Variants in GRID2 observed in about 807,000 individuals in gnomAD.
The protein encoded by GRID2 is glutamate ionotropic receptor delta type subunit 2.
GRID2 carries 33 observed loss-of-function variants against 114.8 expected under a neutral mutation model. The observed-to-expected ratio is 0.29, with a 90% CI of 0.22 to 0.38. The LOEUF (loss-of-function observed/expected upper bound fraction) is 0.38, where lower values mean the gene tolerates loss of function less well. Ranked by LOEUF, GRID2 falls within the 10% of genes least tolerant of loss-of-function variation. The pLI is 1.00. For synonymous variants in GRID2, 505 were observed against 449.9 expected (o/e 1.12, Z -1.55); for missense variants, 1,184 against 1,257.7 (o/e 0.94, Z 0.89).
At chr4:93,619,205 A>G (rs994616167) in intron 13 of GRID2, among the ~76,000 whole-genome samples, 88 of 152,346 alleles carry the variant, frequency 5.8e-4, no homozygotes, top group African/African-American at 2.1e-3. Flanking sequence ...AAAACCATAT[A>G]TATTTTAAAG....
intron 2 of GRID2, among the ~76,000 whole-genome samples, chr4:92,680,903 C>T (rs1733618141): frequency 6.6e-6 from 1 of 152,108 alleles, no homozygotes; most frequent in Admixed American, 6.5e-5. Flanking sequence ...AAAGCATGAA[C>T]TCAAATCTGA....
chr4:92,923,660 T>C (rs1242791416), intron 2 of GRID2, among the ~76,000 whole-genome samples: 1 of 152,182 alleles, frequency 6.6e-6, no homozygotes, highest in Non-Finnish European at 1.5e-5. Context: ...GTAGATACAT[T>C]ATACACATAC....
chr4:93,501,232 A>G (rs1036651736), intron 12 of GRID2, among the ~76,000 whole-genome samples: 1 of 152,062 alleles, frequency 6.6e-6, no homozygotes, highest in African/African-American at 2.4e-5. Flanking sequence ...ATTCCAGGAT[A>G]AGAGAGGAAA....
At chr4:93,371,905 A>AC (rs767695127) in intron 8 of GRID2, among the ~76,000 whole-genome samples, 6 of 150,504 alleles carry the variant, frequency 4.0e-5, no homozygotes, top group Non-Finnish European at 7.4e-5. Context: ...CCACCACCAC[A>AC]CCCGGCTAAT....
intron 2 of GRID2, among the ~76,000 whole-genome samples, chr4:93,037,659 G>T (rs1725052026): frequency 6.6e-6 from 1 of 152,050 alleles, no homozygotes; most frequent in Non-Finnish European, 1.5e-5. Context: ...TCTGCATATG[G>T]CTAGCCAGTT....
chr4:93,281,370 A>T (rs984653424), intron 8 of GRID2, among the ~76,000 whole-genome samples: 4 of 152,036 alleles, frequency 2.6e-5, no homozygotes, highest in South Asian at 2.1e-4. Flanking sequence ...GTATCTGAAG[A>T]GGGCAGCAAG....
At chr4:92,722,845 C>A (rs995657254) in intron 2 of GRID2, among the ~76,000 whole-genome samples, 1 of 151,332 alleles carries the variant, frequency 6.6e-6, no homozygotes, top group Non-Finnish European at 1.5e-5. Context: ...ACATAATGAC[C>A]TGTTGATGAT....
In GRID2 at chr4:92,960,033, A is replaced by C. The variant is rs181350220; in HGVS notation, c.245-124962A>C. On this transcript the variant is annotated intron_variant, in intron 2 of 15. Coordinates refer to ENST00000282020, the MANE Select transcript of GRID2 (RefSeq NM_001510.4). Reference sequence around the variant, plus strand: ...AAAAAAAAGGAGAGAAGAGAAAAAAAGGGGTGTATTTGTTTAATTTCTATC... The same window carrying C: ...AAAAAAAAGGAGAGAAGAGAAAAAACGGGGTGTATTTGTTTAATTTCTATC... 1.2e-3 allele frequency among the ~76,000 whole-genome samples: 175 copies of C among 152,122 alleles called. 1 individual carries two copies. The highest frequency in any genetic ancestry group is 4.1e-3 in the African/African-American group (169 of 41,544).
chr4:92,465,958 G>A (rs555586875), intron 1 of GRID2, among the ~76,000 whole-genome samples: 4 of 151,874 alleles, frequency 2.6e-5, no homozygotes, highest in Admixed American at 1.3e-4. Flanking sequence ...GAAGCTGAGA[G>A]TCTCACAGCC....
At chr4:92,679,573 T>C (rs1233613314) in intron 2 of GRID2, among the ~76,000 whole-genome samples, 2 of 152,090 alleles carry the variant, frequency 1.3e-5, no homozygotes, top group African/African-American at 4.8e-5. Context: ...ATACCTGATT[T>C]CTTGAAAAAG....
intron 1 of GRID2, among the ~76,000 whole-genome samples, chr4:92,587,728 T>C (rs947374071): frequency 1.3e-5 from 2 of 152,194 alleles, no homozygotes; most frequent in African/African-American, 2.4e-5. Flanking sequence ...ATCTTAATTC[T>C]GCAAAGGATT....
At chr4:92,459,195 A>G (rs918681564) in intron 1 of GRID2, among the ~76,000 whole-genome samples, 1 of 152,230 alleles carries the variant, frequency 6.6e-6, no homozygotes, top group African/African-American at 2.4e-5. Flanking sequence ...AAGTATGAAG[A>G]TCATTGTGAT....
chr4:92,329,046 G>C (rs533855709), intron 1 of GRID2, among the ~76,000 whole-genome samples: 18 of 151,924 alleles, frequency 1.2e-4, no homozygotes, highest in Non-Finnish European at 1.8e-4. Flanking sequence ...CTGTGTGCAC[G>C]TGTATATATA....
intron 1 of GRID2, among the ~76,000 whole-genome samples, chr4:92,371,527 T>A (rs997825214): frequency 1.6e-4 from 24 of 152,146 alleles, no homozygotes; most frequent in Admixed American, 1.6e-3. Flanking sequence ...CAACAAAACC[T>A]GGAAGACAAT....
intron 1 of GRID2, among the ~76,000 whole-genome samples, chr4:92,555,503 A>C (rs1726807671): frequency 6.6e-6 from 1 of 152,154 alleles, no homozygotes; most frequent in African/African-American, 2.4e-5. Flanking sequence ...TGGAAGGAAG[A>C]GATGGTGAGA....
At chr4:92,716,830 A>G (rs559113162) in intron 2 of GRID2, among the ~76,000 whole-genome samples, 1 of 152,164 alleles carries the variant, frequency 6.6e-6, no homozygotes, top group Non-Finnish European at 1.5e-5. Context: ...GGAGTCCTGG[A>G]GATTTTTCAT....
intron 2 of GRID2, among the ~76,000 whole-genome samples, chr4:92,638,467 GTATAATA>G (rs1560503807): frequency 1.4e-5 from 2 of 147,226 alleles, no homozygotes; most frequent in African/African-American, 4.9e-5. Flanking sequence ...ATACATATAT[GTATAATA>G]TATAATATAT....
At chr4:93,054,605 CTT>C (rs1727050922) in intron 2 of GRID2, among the ~76,000 whole-genome samples, 1 of 151,854 alleles carries the variant, frequency 6.6e-6, no homozygotes, top group Admixed American at 6.6e-5. Flanking sequence ...AAGTGGCACT[CTT>C]TATATTTAAA....
chr4:93,135,501 G>A (rs527968601), intron 4 of GRID2, among the ~76,000 whole-genome samples: 1 of 152,224 alleles, frequency 6.6e-6, no homozygotes, highest in East Asian at 1.9e-4. Flanking sequence ...TTCCCAAATT[G>A]GGATTTTGTA....
Sources: allele counts gnomAD v4.1 joint callset (sites outside exome capture counted in the v4.1 genomes callset), GRCh38; gene constraint gnomAD v4.1.1; transcripts MANE v1.5; gene names NCBI Gene and HGNC (gene_info 2026-07-23, HGNC 2026-07-21).